The following RASEF variants were observed in gnomAD, a reference collection of about 807,000 sequenced individuals.
RASEF encodes the protein RAS and EF-hand domain containing.
A neutral mutation model predicts 90.1 loss-of-function variants in RASEF; 68 were observed. The observed-to-expected ratio is 0.75, with a 90% CI of 0.62 to 0.92. The LOEUF is 0.92. Ranked by LOEUF, RASEF falls within the 40% of genes least tolerant of loss-of-function variation. RASEF has a pLI of 0.00. For missense variants in RASEF, 949 were observed against 937.2 expected, an observed-to-expected ratio of 1.01 and a Z score of -0.16; for synonymous variants, 331 against 345.2, an observed-to-expected ratio of 0.96 and a Z score of 0.46.
At position 83,062,901 on chromosome 9, in the gene RASEF, A is replaced by G. The variant is rs760722407; in HGVS notation, c.-34T>C. On this transcript the variant is annotated 5_prime_UTR_variant, in exon 1 of 17. Transcript: ENST00000376447. ...GCGGGGGCGGCCGAGAGGGCTCCGG[A>G]GCGCCGCGGGGCGCAGGGCCCTCCC... is the stretch of plus-strand genomic sequence containing the variant. The G allele has an allele frequency of 2.1e-6, 3 of 1,411,650 alleles. No homozygotes were observed. The highest frequency in any genetic ancestry group is 1.6e-5 in the South Asian group (1 of 63,762). 87.4% of individuals were successfully genotyped at this position (1,411,650 alleles called of 1,614,324 possible).
the RASEF span, among the ~76,000 whole-genome samples, chr9:83,178,892 C>T: frequency 1.3e-5 from 2 of 152,144 alleles, no homozygotes; most frequent in East Asian, 3.9e-4. Context: ...CTAGCATAAC[C>T]TTCCATATTC....
chr9:83,081,781 G>A, the RASEF span, among the ~76,000 whole-genome samples: 1 of 152,130 alleles, frequency 6.6e-6, no homozygotes, highest in Non-Finnish European at 1.5e-5. Context: ...GCATCTCCAA[G>A]TACCTGTCAT....
the RASEF span, among the ~76,000 whole-genome samples, chr9:83,128,954 A>G: frequency 7.9e-5 from 12 of 152,222 alleles, no homozygotes; most frequent in African/African-American, 2.9e-4. Flanking sequence ...TCAATATTTC[A>G]CCAAAGAGCA....
At chr9:83,035,994 A>G (rs1306924489) in intron 1 of RASEF, among the ~76,000 whole-genome samples, 1 of 152,228 alleles carries the variant, frequency 6.6e-6, no homozygotes, top group Non-Finnish European at 1.5e-5. Context: ...TAACAGTTGC[A>G]TTAAAACAAT....
At chr9:83,089,882 TATAGATAGATG>T in the RASEF span, among the ~76,000 whole-genome samples, 13 of 148,036 alleles carry the variant, frequency 8.8e-5, no homozygotes, top group East Asian at 2.2e-3. Flanking sequence ...TCTGGGACTT[TATAGATAGATG>T]ATAGATAGAT....
At chr9:83,214,099 A>G in the RASEF span, among the ~76,000 whole-genome samples, 1 of 152,194 alleles carries the variant, frequency 6.6e-6, no homozygotes, top group African/African-American at 2.4e-5. Context: ...TCATCCTTAA[A>G]TATTAATTAA....
the RASEF span, among the ~76,000 whole-genome samples, chr9:83,133,548 C>CATAGAGA: frequency 6.6e-6 from 1 of 152,168 alleles, no homozygotes; most frequent in African/African-American, 2.4e-5. Flanking sequence ...TCAGTTTCTC[C>CATAGAGA]ACAAATAAAA....
chr9:83,087,405 TTCTCTCTC>T, the RASEF span, among the ~76,000 whole-genome samples: 10 of 115,606 alleles, frequency 8.7e-5, no homozygotes, highest in East Asian at 3.1e-4. Flanking sequence ...TTCTCATTCA[TTCTCTCTC>T]TCTCTCTCTC....
chr9:83,108,276 T>C, the RASEF span, among the ~76,000 whole-genome samples: 1 of 152,168 alleles, frequency 6.6e-6, no homozygotes, highest in African/African-American at 2.4e-5. Flanking sequence ...ATATGCCTCA[T>C]GTCAGATACA....
chr9:83,155,402 A>T, the RASEF span, among the ~76,000 whole-genome samples: 1 of 152,190 alleles, frequency 6.6e-6, no homozygotes, highest in Admixed American at 6.5e-5. Context: ...CAGAAGGTGA[A>T]AGGCATGCCT....
the RASEF span, among the ~76,000 whole-genome samples, chr9:83,140,095 A>G: frequency 6.6e-6 from 1 of 152,202 alleles, no homozygotes. Flanking sequence ...ACAGCCAGGA[A>G]GACTTACCAT....
rs779179060 is a variant in RASEF, at chr9:83,062,751, C to G, written c.117G>C (p.Glu39Asp). 17 of 1,567,324 alleles carry G rather than the reference C, an allele frequency of 1.1e-5. No homozygotes were observed. Among genetic ancestry groups the G allele is most frequent in the Non-Finnish European group, 1.5e-5 (17 of 1,165,230 alleles). Residue 39 changes from glutamate to aspartate, a missense_variant, in exon 1 of 17, where the codon GAG becomes GAC. This residue lies in a region of RASEF where 656 missense variants were observed against 592.2 expected (regional missense o/e 1.11). Coordinates refer to ENST00000376447, the MANE Select transcript of RASEF (RefSeq NM_152573.4). ...EREEFRALCTELRVRPADAEA... is the reference protein window; with the variant it reads ...EREEFRALCTDLRVRPADAEA... ...CGGCGTCGGCCGGCCGCACCCGCAG[C>G]TCCGTGCACAGTGCCCGGAACTCCT...
chr9:82,990,593 G>C (rs1352352842), intron 15 of RASEF, 126 bp from the exon 16 acceptor site: 2 of 598,018 alleles, frequency 3.3e-6, no homozygotes, highest in Non-Finnish European at 5.7e-6. Context: ...TAATAGCTAA[G>C]AAACTGAATT....
chr9:83,061,550 C>T (rs1830199982), intron 1 of RASEF, among the ~76,000 whole-genome samples: 1 of 152,136 alleles, frequency 6.6e-6, no homozygotes, highest in South Asian at 2.1e-4. Flanking sequence ...TGAAAAATAG[C>T]AGCTGGAGAC....
At position 83,048,443 on chromosome 9, in the gene RASEF, G is replaced by C. The variant is rs141443198; in HGVS notation, c.431+13994C>G. ...CTGATGTCATCACCTTCTGAATAGAGGGAAACCAGCCAAGCAACTTGGACT... is the reference window on the plus strand; with the variant it reads ...CTGATGTCATCACCTTCTGAATAGACGGAAACCAGCCAAGCAACTTGGACT... On this transcript the variant is annotated intron_variant, in intron 1 of 16. Transcript: ENST00000376447. 981 of 985,214 alleles carry C rather than the reference G, an allele frequency of 1.0e-3. 11 individuals are homozygous for C. The African/African-American group carries it at 0.015, about 15-fold the overall frequency. 61.0% of individuals were successfully genotyped at this position (985,214 alleles called of 1,614,324 possible).
At chr9:82,999,046 T>C (rs866148803) in intron 12 of RASEF, among the ~76,000 whole-genome samples, 2 of 152,090 alleles carry the variant, frequency 1.3e-5, no homozygotes, top group Middle Eastern at 3.4e-3. Context: ...CTTTCAGCTT[T>C]GTTAATGTTG....
At chr9:83,004,251 T>C (rs548719005) in intron 9 of RASEF, among the ~76,000 whole-genome samples, 1 of 152,148 alleles carries the variant, frequency 6.6e-6, no homozygotes, top group Non-Finnish European at 1.5e-5. Context: ...AAACAAGACA[T>C]GATTAGAGAT....
chr9:83,063,045 C>T lies in RASEF; in HGVS notation c.-178G>A. 3.1e-6 allele frequency: 2 copies of T among 643,694 alleles called. No homozygotes were observed. The highest frequency in any genetic ancestry group is 8.5e-5 in the Admixed American group (2 of 23,392). 39.9% of individuals were successfully genotyped at this position (643,694 alleles called of 1,614,324 possible). On this transcript the variant is annotated 5_prime_UTR_variant, in exon 1 of 17. Coordinates refer to ENST00000376447, the MANE Select transcript of RASEF (RefSeq NM_152573.4). ...AGGAACGTCGGGGGTGGCCGAGCGG[C>T]TCCCTTCGACGACGGTTCGGGCCAG...
At chr9:83,092,003 C>CTTTTTTTTTTTTTTTTTTTTTCTT in the RASEF span, among the ~76,000 whole-genome samples, 1 of 35,920 alleles carries the variant, frequency 2.8e-5, no homozygotes, top group African/African-American at 9.3e-5. Context: ...TCTTTTATTT[C>CTTTTTTTTTTTTTTTTTTTTTCTT]TTTTTTTTTT....
Sources: allele counts gnomAD v4.1 joint callset (sites outside exome capture counted in the v4.1 genomes callset), GRCh38; gene constraint gnomAD v4.1.1; regional missense constraint gnomAD v4.1.1; transcripts MANE v1.5; gene names NCBI Gene and HGNC (gene_info 2026-07-23, HGNC 2026-07-21).